KIF3A: variants seen among roughly 807,000 people sequenced by gnomAD.
KIF3A encodes kinesin-like protein KIF3A.
Under a neutral mutation model 92.6 loss-of-function variants are expected in KIF3A, and 27 were observed. That is an observed-to-expected ratio of 0.29 (90% CI 0.21 to 0.40). The LOEUF (loss-of-function observed/expected upper bound fraction) is 0.40, where lower values mean the gene tolerates loss of function less well. Ranked by LOEUF, KIF3A falls within the 10% of genes least tolerant of loss-of-function variation. The pLI is 1.00. For synonymous variants in KIF3A, 250 were observed against 275.4 expected (o/e 0.91, Z 0.92); for missense variants, 581 against 872.6 (o/e 0.67, Z 4.21).
intron 11 of KIF3A, 22 bp downstream of exon 11, chr5:132,706,429 A>C (rs917104212): frequency 6.6e-6 from 10 of 1,525,594 alleles, no homozygotes; most frequent in Non-Finnish European, 7.9e-6. Context: ...TACCATGTGG[A>C]GTGCAAATCA....
At chr5:132,725,810 CATT>C (rs1293966395) in intron 4 of KIF3A, among the ~76,000 whole-genome samples, 2 of 152,154 alleles carry the variant, frequency 1.3e-5, no homozygotes, top group African/African-American at 4.8e-5. Flanking sequence ...ACTCTACATA[CATT>C]ATTCTCCTCT....
chr5:132,719,996 G>C (rs1753772460), intron 5 of KIF3A, among the ~76,000 whole-genome samples: 2 of 152,062 alleles, frequency 1.3e-5, no homozygotes, highest in South Asian at 4.1e-4. Flanking sequence ...ACTGGCCTAG[G>C]TTTTTTGGGT....
In KIF3A at chr5:132,710,951, G is replaced by C; in HGVS notation, c.1228+8C>G. The C allele has an allele frequency of 6.2e-7, 1 of 1,613,678 alleles. No homozygotes were observed. Among genetic ancestry groups the C allele is most frequent in the Non-Finnish European group, 8.5e-7 (1 of 1,179,804 alleles). The stretch of plus-strand genomic sequence containing the variant: ...TTTCTACAAATCAGATTACTAAACA[G>C]AACTTACCCCTTCTTTTTTTCCTTT... On this transcript the variant is annotated splice_region_variant and intron_variant, in intron 9 of 18. Coordinates refer to ENST00000403231, the MANE Select transcript of KIF3A (RefSeq NM_001300791.2).
At chr5:132,700,106 A>G in intron 17 of KIF3A, 110 bp downstream of exon 17, 3 of 662,570 alleles carry the variant, frequency 4.5e-6, no homozygotes, top group Non-Finnish European at 7.7e-6. Context: ...ATTTTTCAGC[A>G]GAGCTGATTA....
At position 132,727,847 on chromosome 5, in the gene KIF3A, A is replaced by G. The variant is rs146269716; in HGVS notation, c.281-1349T>C. ...GATAGCCTTGGATGTGATGGCATAT[A>G]TGAAAACGGTTCCTCAACTAATACT... On this transcript the variant is annotated intron_variant, in intron 2 of 18. Transcript: ENST00000403231. Among the ~76,000 whole-genome samples the G allele has an allele frequency of 1.6e-3, 249 of 152,328 alleles. 1 individual carries two copies. Among genetic ancestry groups the G allele is most frequent in the African/African-American group, 5.7e-3 (236 of 41,570 alleles).
intron 11 of KIF3A, among the ~76,000 whole-genome samples, chr5:132,703,956 T>C (rs148339893): frequency 3.8e-4 from 57 of 151,686 alleles, no homozygotes; most frequent in African/African-American, 1.1e-3. Flanking sequence ...AGATAACAAA[T>C]ATAGGTTAAA....
At chr5:132,702,409 TA>T (rs1753070744) in intron 14 of KIF3A, 148 bp downstream of exon 14, 2 of 634,878 alleles carry the variant, frequency 3.2e-6, no homozygotes, top group Non-Finnish European at 5.2e-6. Flanking sequence ...TTTAGACTAA[TA>T]GATAAAATTA....
intron 2 of KIF3A, among the ~76,000 whole-genome samples, chr5:132,730,825 G>A (rs951671090): frequency 6.6e-6 from 1 of 151,860 alleles, no homozygotes. Context: ...GAAAAAATTA[G>A]CCAGGCGTGG....
intron 15 of KIF3A, among the ~76,000 whole-genome samples, chr5:132,700,956 G>T (rs1353151320): frequency 6.6e-6 from 1 of 152,080 alleles, no homozygotes; most frequent in Non-Finnish European, 1.5e-5. Flanking sequence ...GTTGGAAGAG[G>T]CAAAGGAATG....
chr5:132,715,012 T>C (rs1475434326), intron 8 of KIF3A, among the ~76,000 whole-genome samples: 1 of 152,246 alleles, frequency 6.6e-6, no homozygotes, highest in South Asian at 2.1e-4. Context: ...CTCTAAACAT[T>C]TGTGATGCTG....
At position 132,715,795 on chromosome 5, in the gene KIF3A, T is replaced by C; in HGVS notation, c.1091A>G (p.Gln364Arg). 6.2e-7 allele frequency: 1 copy of C among 1,609,836 alleles called. No individual in the cohort carries two copies. The highest frequency in any genetic ancestry group is 8.5e-7 in the Non-Finnish European group (1 of 1,178,858). ...CTTTTTCAGTTCTTCTATTTCTTTC[T>C]GGAACTGACGCAGCAAAGCATCCTT... is the stretch of plus-strand genomic sequence containing the variant. ...DPKDALLRQFQKEIEELKKKL... is the reference protein window; with the variant it reads ...DPKDALLRQFRKEIEELKKKL... Residue 364 changes from glutamine to arginine, a missense_variant, in exon 8 of 19, where the codon CAG (glutamine) becomes CGG (arginine). Physicochemically the swap from Gln to Arg is conservative, Grantham distance 43. This residue lies in a region of KIF3A where 167 missense variants were observed against 205.8 expected (regional missense o/e 0.81). Transcript: ENST00000403231.
chr5:132,728,407 T>A (rs1479474102), intron 2 of KIF3A, among the ~76,000 whole-genome samples: 2 of 152,108 alleles, frequency 1.3e-5, no homozygotes, highest in South Asian at 4.1e-4. Flanking sequence ...TCCTAAAAAA[T>A]AGGCACTATT....
At chr5:132,724,548 A>G (rs978227623) in intron 4 of KIF3A, among the ~76,000 whole-genome samples, 3 of 151,930 alleles carry the variant, frequency 2.0e-5, no homozygotes, top group East Asian at 1.9e-4. Context: ...CAAGGACAAA[A>G]AACCAAACAC....
intron 17 of KIF3A, 176 bp from the exon 18 acceptor site, chr5:132,699,471 T>G (rs904316210): frequency 1.5e-6 from 1 of 682,244 alleles, no homozygotes; most frequent in Non-Finnish European, 2.6e-6. Flanking sequence ...TTAATAAAGG[T>G]TGGTGAGTAA....
At chr5:132,689,270 T>A (rs1008484277), downstream of KIF3A, among the ~76,000 whole-genome samples, 3 of 152,226 alleles carry the variant, frequency 2.0e-5, no homozygotes, top group African/African-American at 7.2e-5. Context: ...AGGCTGTGGC[T>A]TCAGAACTGT....
intron 2 of KIF3A, among the ~76,000 whole-genome samples, chr5:132,732,850 AGT>A (rs1178615448): frequency 5.9e-5 from 9 of 151,992 alleles, no homozygotes; most frequent in Non-Finnish European, 1.3e-4. Context: ...CAGAAGTTGC[AGT>A]GAGCCAAGAT....
chr5:132,702,455 A>C lies in KIF3A; in HGVS notation c.1758+103T>G. On this transcript the variant is annotated intron_variant, in intron 14 of 18. Coordinates refer to ENST00000403231, the MANE Select transcript of KIF3A (RefSeq NM_001300791.2). ...CATAAAGAAATATTTTATTTCTTTT[A>C]AATTATAAGCTCACATTATGATTAT... 5.5e-6 allele frequency: 4 copies of C among 728,338 alleles called. No homozygotes were observed. In the South Asian group the frequency reaches 9.0e-5, roughly 16 times the overall value. The allele number at this position is 728,338 out of a possible 1,614,324, so 45.1% of individuals were successfully genotyped here. A position where few individuals can be genotyped will look rare whatever the true frequency, so the allele number is the denominator to read the frequency against.
intron 4 of KIF3A, among the ~76,000 whole-genome samples, chr5:132,724,806 A>AAAAAATTATATAT (rs59476182): frequency 1.8e-4 from 4 of 22,694 alleles, no homozygotes; most frequent in African/African-American, 3.6e-4. Context: ...AAAAAAAAAA[A>AAAAAATTATATAT]ATATATATAT....
rs1475416062 is a variant in KIF3A, at chr5:132,708,998, G to A, written c.1229-20C>T. ...TACTGCCTGGAAAACAAAGAAATGA[G>A]CCCAACAGGAACCAAAGAAAGAGGA... On this transcript the variant is annotated intron_variant, in intron 9 of 18. Coordinates refer to ENST00000403231, the MANE Select transcript of KIF3A (RefSeq NM_001300791.2). The A allele has an allele frequency of 2.0e-6, 3 of 1,529,148 alleles. No individual in the cohort carries two copies. In the African/African-American group the frequency reaches 4.1e-5, roughly 21 times the overall value. 94.7% of individuals were successfully genotyped at this position (1,529,148 alleles called of 1,614,324 possible). A position where few individuals can be genotyped will look rare whatever the true frequency, so the allele number is the denominator to read the frequency against.
Sources: allele counts gnomAD v4.1 joint callset (sites outside exome capture counted in the v4.1 genomes callset), GRCh38; gene constraint gnomAD v4.1.1; regional missense constraint gnomAD v4.1.1; transcripts MANE v1.5; gene names NCBI Gene and HGNC (gene_info 2026-07-23, HGNC 2026-07-21).